The following TMEM132D variants were observed in gnomAD, a reference collection of about 807,000 sequenced individuals.
TMEM132D encodes the protein mature OL transmembrane protein.
TMEM132D carries 21 observed loss-of-function variants against 62.3 expected under a neutral mutation model. The ratio of observed to expected loss-of-function variants is 0.34; its 90% CI spans 0.24 to 0.49. TMEM132D has a LOEUF of 0.49. Ranked by LOEUF, TMEM132D falls within the 20% of genes least tolerant of loss-of-function variation. TMEM132D has a pLI of 0.99. For synonymous variants in TMEM132D, 621 were observed against 575.6 expected (o/e 1.08, Z -1.13); for missense variants, 1,346 against 1,402.8 (o/e 0.96, Z 0.65).
chr12:129,649,584 A>G (rs1879868383), intron 2 of TMEM132D, among the ~76,000 whole-genome samples: 1 of 152,170 alleles, frequency 6.6e-6, no homozygotes, highest in African/African-American at 2.4e-5. Context: ...TGACTTATTT[A>G]AATTCTTTTC....
At position 129,209,508 on chromosome 12, in the gene TMEM132D, G is replaced by A; in HGVS notation, c.1443+12C>T. 1.2e-6 allele frequency: 2 copies of A among 1,613,688 alleles called. No homozygotes were observed. The highest frequency in any genetic ancestry group is 1.1e-5 in the South Asian group (1 of 91,052). On this transcript the variant is annotated intron_variant, in intron 5 of 8. Transcript: ENST00000422113. ...AGCAGGTTTCTGCAGGGGCGGGGAG[G>A]TGTCAACTTGCCTTAATCACGTCTT... is the stretch of plus-strand genomic sequence containing the variant.
intron 5 of TMEM132D, among the ~76,000 whole-genome samples, chr12:129,175,190 G>A (rs1205901430): frequency 6.9e-6 from 1 of 144,538 alleles, no homozygotes; most frequent in African/African-American, 2.6e-5. Context: ...TTTTCTTCTA[G>A]GGTTTTTATG....
At chr12:129,356,643 C>A (rs1303185232) in intron 3 of TMEM132D, among the ~76,000 whole-genome samples, 2 of 140,126 alleles carry the variant, frequency 1.4e-5, no homozygotes, top group East Asian at 4.4e-4. Context: ...CATGGTGAAA[C>A]CCTGTCTCTA....
chr12:129,282,440 T>C (rs1198371793), intron 4 of TMEM132D, among the ~76,000 whole-genome samples: 1 of 152,036 alleles, frequency 6.6e-6, no homozygotes, highest in Non-Finnish European at 1.5e-5. Flanking sequence ...GGCATAGCAG[T>C]GAAAGTCCTC....
At chr12:129,166,290 T>A (rs1469566082) in intron 5 of TMEM132D, among the ~76,000 whole-genome samples, 1 of 58,850 alleles carries the variant, frequency 1.7e-5, no homozygotes, top group Non-Finnish European at 4.9e-5. Flanking sequence ...TGTGGGAAGC[T>A]GGAGAACCCC....
chr12:129,150,373 C>T (rs956177426), intron 5 of TMEM132D, among the ~76,000 whole-genome samples: 3 of 152,208 alleles, frequency 2.0e-5, no homozygotes, highest in African/African-American at 7.2e-5. Flanking sequence ...TTATGCCAGT[C>T]ATTTTGCATA....
chr12:129,803,400 C>T (rs147882330), intron 1 of TMEM132D, among the ~76,000 whole-genome samples: 2,183 of 152,186 alleles, frequency 0.014, 67 homozygotes, highest in African/African-American at 0.051. Flanking sequence ...CAAAACTGCA[C>T]AACTACATGG....
chr12:129,714,137 C>T (rs1358623218), intron 1 of TMEM132D, among the ~76,000 whole-genome samples: 1 of 152,206 alleles, frequency 6.6e-6, no homozygotes, highest in African/African-American at 2.4e-5. Context: ...GGCCTTTGCA[C>T]TGGCTGTTTC....
At chr12:129,861,140 C>A (rs1873884714) in intron 1 of TMEM132D, among the ~76,000 whole-genome samples, 2 of 152,148 alleles carry the variant, frequency 1.3e-5, no homozygotes, top group Admixed American at 1.3e-4. Flanking sequence ...TGTGACCATT[C>A]CAGTGGAATG....
intron 2 of TMEM132D, among the ~76,000 whole-genome samples, chr12:129,574,418 C>T (rs1382810961): frequency 2.0e-5 from 3 of 151,758 alleles, no homozygotes; most frequent in Non-Finnish European, 2.9e-5. Flanking sequence ...TATTAAAACC[C>T]TAAAAGTCAA....
intron 1 of TMEM132D, among the ~76,000 whole-genome samples, chr12:129,773,604 G>A (rs959774237): frequency 6.6e-6 from 1 of 152,130 alleles, no homozygotes; most frequent in Non-Finnish European, 1.5e-5. Flanking sequence ...TGCGTGTCTG[G>A]AGGGTATATA....
intron 2 of TMEM132D, among the ~76,000 whole-genome samples, chr12:129,646,948 G>A (rs568429694): frequency 5.9e-5 from 9 of 151,674 alleles, no homozygotes; most frequent in East Asian, 2.0e-4. Flanking sequence ...TACAGGTGTC[G>A]CCACCACGCT....
At chr12:129,577,148 C>T (rs1000833433) in intron 2 of TMEM132D, among the ~76,000 whole-genome samples, 6 of 151,772 alleles carry the variant, frequency 4.0e-5, no homozygotes, top group Admixed American at 3.9e-4. Context: ...ACTTGAGAAC[C>T]ACTAGAGATC....
chr12:129,755,945 T>C (rs1870155156), intron 1 of TMEM132D, among the ~76,000 whole-genome samples: 2 of 152,200 alleles, frequency 1.3e-5, no homozygotes, highest in African/African-American at 2.4e-5. Context: ...AACCCAAAAA[T>C]GTCCATAATA....
chr12:129,654,183 T>G (rs980998403), intron 2 of TMEM132D, among the ~76,000 whole-genome samples: 1 of 152,086 alleles, frequency 6.6e-6, no homozygotes, highest in Non-Finnish European at 1.5e-5. Context: ...TGCCGAGCTT[T>G]GGCCACTGGG....
At chr12:129,179,222 A>G (rs541388700) in intron 5 of TMEM132D, among the ~76,000 whole-genome samples, 1 of 152,352 alleles carries the variant, frequency 6.6e-6, no homozygotes, top group East Asian at 1.9e-4. Flanking sequence ...AGGGGTTAGC[A>G]GGAGGAGTGA....
intron 3 of TMEM132D, among the ~76,000 whole-genome samples, chr12:129,385,085 CTTTTTTTTTT>C (rs869098367): frequency 0.011 from 971 of 86,922 alleles, 13 homozygotes; most frequent in African/African-American, 0.043. Context: ...TGTTAAAGTT[CTTTTTTTTTT>C]TTTTTTTTTT....
At chr12:129,605,604 T>TATATATATATATATAC (rs150550863) in intron 2 of TMEM132D, among the ~76,000 whole-genome samples, 5 of 106,312 alleles carry the variant, frequency 4.7e-5, no homozygotes, top group African/African-American at 1.6e-4. Flanking sequence ...TATATATATA[T>TATATATATATATATAC]ACACACACAT....
chr12:129,365,377 A>G (rs1870372263), intron 3 of TMEM132D, among the ~76,000 whole-genome samples: 1 of 152,176 alleles, frequency 6.6e-6, no homozygotes, highest in African/African-American at 2.4e-5. Flanking sequence ...CCCTAAGATT[A>G]GGCACCAAAA....
Sources: gnomAD v4.1 joint callset for allele counts (sites outside exome capture counted in the v4.1 genomes callset) on GRCh38, gnomAD v4.1.1 for gene constraint, MANE v1.5 for transcripts, NCBI Gene and HGNC (gene_info 2026-07-23, HGNC 2026-07-21) for gene names.